The following STIM2 variants were observed in gnomAD, a reference collection of about 807,000 sequenced individuals.
STIM2 encodes the protein stromal interaction molecule 2.
STIM2 carries 31 observed loss-of-function variants against 85.8 expected under a neutral mutation model. The ratio of observed to expected loss-of-function variants is 0.36; its 90% CI spans 0.27 to 0.49. The LOEUF is 0.49. Ranked by LOEUF, STIM2 falls within the 20% of genes least tolerant of loss-of-function variation. The probability of loss-of-function intolerance (pLI) is 0.98; values close to 1 mark genes in which losing one functional copy is unlikely to be tolerated. For missense variants in STIM2, 841 were observed against 927.6 expected (o/e 0.91, Z 1.21); for synonymous variants, 356 against 331.1 (o/e 1.08, Z -0.82).
chr4:26,912,198 C>G (rs1466259747), intron 1 of STIM2, among the ~76,000 whole-genome samples: 1 of 152,062 alleles, frequency 6.6e-6, no homozygotes, highest in African/African-American at 2.4e-5. Flanking sequence ...TGAAGAAAAT[C>G]CTAATCATGA....
At chr4:26,934,913 C>CAAAAAAAAAAAAA (rs1160656482) in intron 2 of STIM2, among the ~76,000 whole-genome samples, 4 of 57,594 alleles carry the variant, frequency 6.9e-5, no homozygotes, top group East Asian at 4.5e-4. Context: ...AACTCCATCT[C>CAAAAAAAAAAAAA]AAAAAAAAAA....
intron 2 of STIM2, among the ~76,000 whole-genome samples, chr4:26,932,144 A>G (rs1453746844): frequency 6.6e-6 from 1 of 152,204 alleles, no homozygotes; most frequent in Non-Finnish European, 1.5e-5. Flanking sequence ...GGATTAGGCA[A>G]TATGCCCATA....
chr4:27,012,617 T>C (rs1728597588), intron 10 of STIM2, among the ~76,000 whole-genome samples: 1 of 152,010 alleles, frequency 6.6e-6, no homozygotes, highest in African/African-American at 2.4e-5. Context: ...TATTTTATGG[T>C]AGTCTTGGAT....
chr4:26,984,899 A>T (rs889931123), intron 3 of STIM2, among the ~76,000 whole-genome samples: 1 of 152,256 alleles, frequency 6.6e-6, no homozygotes, highest in Non-Finnish European at 1.5e-5. Context: ...TCTAAAAATT[A>T]CATGTAATTC....
At chr4:26,919,815 C>T (rs548855491) in intron 2 of STIM2, among the ~76,000 whole-genome samples, 181 bp downstream of exon 2, 2 of 152,014 alleles carry the variant, frequency 1.3e-5, no homozygotes, top group Non-Finnish European at 2.9e-5. Context: ...TTCTGTTTTT[C>T]CCCCCATTTG....
At chr4:26,873,861 G>A (rs1225764208) in intron 1 of STIM2, 9 of 1,169,144 alleles carry the variant, frequency 7.7e-6, no homozygotes, top group South Asian at 3.8e-5. Flanking sequence ...GAACCCATCC[G>A]GGCAGAGAGG....
Position 27,008,839 on chromosome 4 carries a change from C to A in STIM2, c.1326C>A (p.Gly442=). ...GGCAACAAATTGAGAAGATCTGTGGCTTTCAGATAGCCCATAACTCAGGAC... is the reference window on the plus strand; with the variant it reads ...GGCAACAAATTGAGAAGATCTGTGGATTTCAGATAGCCCATAACTCAGGAC... Residue 442 remains glycine (G), a synonymous_variant, in exon 10 of 12, where the codon GGC becomes GGA. Transcript: ENST00000467087. The A allele has an allele frequency of 6.2e-7, 1 of 1,614,120 alleles. No individual in the cohort carries two copies. The highest frequency in any genetic ancestry group is 8.5e-7 in the Non-Finnish European group (1 of 1,180,022).
At chr4:26,981,698 C>T (rs888078437) in intron 3 of STIM2, among the ~76,000 whole-genome samples, 3 of 152,130 alleles carry the variant, frequency 2.0e-5, no homozygotes, top group Admixed American at 6.5e-5. Context: ...TGGACTTTTA[C>T]GACGTTGGCC....
intron 2 of STIM2, 136 bp from the exon 3 acceptor site, chr4:26,957,476 G>T: frequency 2.1e-6 from 1 of 474,470 alleles, no homozygotes; most frequent in Non-Finnish European, 3.7e-6. Flanking sequence ...TAAGAATAAT[G>T]TGACTACAAT....
rs370765550 is a variant in STIM2 at position 26,912,905 on chromosome 4, T to G, written c.152-6599T>G. Among the ~76,000 whole-genome samples the G allele has an allele frequency of 9.9e-5, 15 of 152,260 alleles. No homozygotes were observed. The East Asian group carries it at 2.5e-3, about 25-fold the overall frequency. On this transcript the variant is annotated intron_variant, in intron 1 of 11. Coordinates refer to ENST00000467087, the MANE Select transcript of STIM2 (RefSeq NM_020860.4). ...GTTGGTATAGCAGAGGACAGTTCTT[T>G]GTTGTGTGGGAGTTGTCAGGCTTGT...
chr4:26,873,635 C>T lies in STIM2; in HGVS notation c.151+12266C>T, dbSNP rs186078038. 267 of 597,712 alleles carry T rather than the reference C, an allele frequency of 4.5e-4. 2 individuals are homozygous for T. The East Asian group carries it at 8.5e-3, about 19-fold the overall frequency. The allele number at this position is 597,712 out of a possible 1,614,324, so 37.0% of individuals were successfully genotyped here. On this transcript the variant is annotated intron_variant, in intron 1 of 11. Coordinates refer to ENST00000467087, the MANE Select transcript of STIM2 (RefSeq NM_020860.4). ...GGGCTTGTTTCCTGCAGGGCACTTC[C>T]TTAGTCATAAATGAGAGAGACGCTC...
rs992558589 is a variant in STIM2, at chr4:26,861,540, T to C, written c.151+171T>C. ...CGGTCCCCTGCACTCCGGACGTCTT[T>C]CCTTTTCACCCCGACACCCCGCCCT... On this transcript the variant is annotated intron_variant, in intron 1 of 11. Transcript: ENST00000467087. 36 of 1,049,392 alleles carry C rather than the reference T, an allele frequency of 3.4e-5. No homozygotes were observed. The African/African-American group carries it at 5.0e-4, about 15-fold the overall frequency. 65.0% of individuals were successfully genotyped at this position (1,049,392 alleles called of 1,614,324 possible).
intron 3 of STIM2, among the ~76,000 whole-genome samples, chr4:26,990,116 T>C (rs889499966): frequency 2.0e-5 from 3 of 150,030 alleles, no homozygotes; most frequent in African/African-American, 7.5e-5. Context: ...CTAAAATTTG[T>C]ATGAAACCAC....
intron 3 of STIM2, among the ~76,000 whole-genome samples, chr4:26,986,250 G>C (rs1478883400): frequency 6.6e-6 from 1 of 152,170 alleles, no homozygotes; most frequent in Non-Finnish European, 1.5e-5. Flanking sequence ...AAATTGCCAA[G>C]TGCTCACAAA....
At chr4:26,997,738 A>T (rs1010174970) in intron 4 of STIM2, among the ~76,000 whole-genome samples, 4 of 152,214 alleles carry the variant, frequency 2.6e-5, no homozygotes, top group Admixed American at 6.5e-5. Context: ...CAGAGATACG[A>T]CATAGTCTTT....
chr4:26,977,559 A>C (rs535457894), intron 3 of STIM2, among the ~76,000 whole-genome samples: 1 of 152,316 alleles, frequency 6.6e-6, no homozygotes, highest in African/African-American at 2.4e-5. Flanking sequence ...TCTGGTGAGA[A>C]GGAAATGGCT....
At chr4:26,863,488 A>C (rs550994955) in intron 1 of STIM2, among the ~76,000 whole-genome samples, 1 of 152,068 alleles carries the variant, frequency 6.6e-6, no homozygotes, top group Admixed American at 6.5e-5. Flanking sequence ...AAATATTGAA[A>C]ATTTCTTTGA....
intron 1 of STIM2, among the ~76,000 whole-genome samples, chr4:26,897,021 A>G (rs1459630413): frequency 6.6e-6 from 1 of 152,238 alleles, no homozygotes; most frequent in East Asian, 1.9e-4. Flanking sequence ...TGTTGAGAGT[A>G]TCAATTGTTT....
chr4:26,980,663 GT>G lies in STIM2; in HGVS notation c.398-14713del, dbSNP rs372939618. ...CCCATAAAAGTTGAGAAATGGAAAAGTTTAAGTGTTTTAGGAATTTAAACTA... is the reference window on the plus strand; with the variant it reads ...CCCATAAAAGTTGAGAAATGGAAAAGTTAAGTGTTTTAGGAATTTAAACTA... On this transcript the variant is annotated intron_variant, in intron 3 of 11. Coordinates refer to ENST00000467087, the MANE Select transcript of STIM2 (RefSeq NM_020860.4). Among the ~76,000 whole-genome samples, 776 of 152,246 alleles carry G rather than the reference GT, an allele frequency of 5.1e-3. 9 individuals carry two copies. Among genetic ancestry groups the G allele is most frequent in the African/African-American group, 0.018 (752 of 41,546 alleles).
Sources: allele counts gnomAD v4.1 joint callset (sites outside exome capture counted in the v4.1 genomes callset), GRCh38; gene constraint gnomAD v4.1.1; transcripts MANE v1.5; gene names NCBI Gene and HGNC (gene_info 2026-07-23, HGNC 2026-07-21).